The following KANK2 variants were observed in gnomAD, a reference collection of about 807,000 sequenced individuals.
The protein encoded by KANK2 is KN motif and ankyrin repeat domains 2.
KANK2 carries 41 observed loss-of-function variants against 74.6 expected under a neutral mutation model. The ratio of observed to expected loss-of-function variants is 0.55; its 90% CI spans 0.43 to 0.71. The LOEUF (loss-of-function observed/expected upper bound fraction) is 0.71, where lower values mean the gene tolerates loss of function less well. Among genes scored for constraint, KANK2 ranks in the 30% least tolerant of loss-of-function variants. The pLI is 0.00. For synonymous variants in KANK2, 537 were observed against 519.0 expected (o/e 1.03, Z -0.47); for missense variants, 1,148 against 1,196.4 (o/e 0.96, Z 0.60).
chr19:11,192,596 T>G (rs1206951490), intron 4 of KANK2: 2 of 473,578 alleles, frequency 4.2e-6, no homozygotes, highest in East Asian at 9.2e-5. Flanking sequence ...CCACCACACC[T>G]GGCTAATTTT....
chr19:11,192,062 A>G (rs769706947), intron 4 of KANK2, among the ~76,000 whole-genome samples: 3 of 152,204 alleles, frequency 2.0e-5, no homozygotes, highest in Admixed American at 6.5e-5. Flanking sequence ...TCTATCTCTT[A>G]ATAACGACAA....
chr19:11,179,260 G>T (rs567511475), intron 4 of KANK2, among the ~76,000 whole-genome samples: 1 of 150,450 alleles, frequency 6.6e-6, no homozygotes, highest in African/African-American at 2.5e-5. Context: ...AGGTTGCAGT[G>T]AGCAGAGATC....
rs548587575 is a variant in KANK2, at chr19:11,182,207, C to T, written c.1250-3487G>A. On this transcript the variant is annotated intron_variant, in intron 4 of 12. Coordinates refer to ENST00000586659, the MANE Select transcript of KANK2 (RefSeq NM_001136191.3). ...CTGGGATTACAGGCTTAAGCCAACA[C>T]GCCCGGCCAGATGCCAAATTTTATG... 5.9e-5 allele frequency among the ~76,000 whole-genome samples: 9 copies of T among 152,156 alleles called. No individual in the cohort carries two copies. In the South Asian group the frequency reaches 8.3e-4, roughly 14 times the overall value.
rs764052605 is a variant in KANK2, at chr19:11,174,542, C to T, written c.1999G>A (p.Gly667Ser). ...DYVVNIADSN[G>S]NTALHYSVSH... The stretch of plus-strand genomic sequence containing the variant: ...ACGGAGTAGTGCAGGGCTGTGTTGC[C>T]GTTGCTGTCGGCGATGTTGACCACG... The change falls in exon 9 of 13, where the codon GGC (glycine) becomes AGC (serine). Residue 667 changes from glycine to serine, a missense_variant. Coordinates refer to ENST00000586659, the MANE Select transcript of KANK2 (RefSeq NM_001136191.3). 3.3e-5 allele frequency: 53 copies of T among 1,613,548 alleles called. No individual in the cohort carries two copies. Among genetic ancestry groups the T allele is most frequent in the Non-Finnish European group, 4.2e-5 (49 of 1,179,872 alleles).
rs554872150 is a variant in KANK2 at position 11,165,055 on chromosome 19, C to T, written c.*1503G>A. 2.6e-5 allele frequency: 4 copies of T among 152,296 alleles called. No homozygotes were observed. In the South Asian group the frequency reaches 8.3e-4, roughly 32 times the overall value. 9.4% of individuals were successfully genotyped at this position (152,296 alleles called of 1,614,324 possible). A position where few individuals can be genotyped will look rare whatever the true frequency, so the allele number is the denominator to read the frequency against. Reference sequence around the variant, plus strand: ...TTAGAGGCTTGGAACCCTTCCCTTTCTGTTGCTCACCAAGGAAAAGGCACA... The same window carrying T: ...TTAGAGGCTTGGAACCCTTCCCTTTTTGTTGCTCACCAAGGAAAAGGCACA... On this transcript the variant is annotated 3_prime_UTR_variant, in exon 13 of 13. Coordinates refer to ENST00000586659, the MANE Select transcript of KANK2 (RefSeq NM_001136191.3).
Position 11,166,321 on chromosome 19 carries a change from T to C in KANK2, c.*237A>G, listed in dbSNP as rs956248288. The C allele has an allele frequency of 1.1e-5, 5 of 462,426 alleles. No individual in the cohort carries two copies. Among genetic ancestry groups the C allele is most frequent in the African/African-American group, 1.0e-4 (5 of 49,996 alleles). 28.6% of individuals were successfully genotyped at this position (462,426 alleles called of 1,614,324 possible). On this transcript the variant is annotated 3_prime_UTR_variant, in exon 13 of 13. Coordinates refer to ENST00000586659, the MANE Select transcript of KANK2 (RefSeq NM_001136191.3). Reference sequence around the variant, plus strand: ...CCTGGCGCCAATGTATACAAGAATTTTGCTTCGGTCTGCGCTGTGGCCACT... The same window carrying C: ...CCTGGCGCCAATGTATACAAGAATTCTGCTTCGGTCTGCGCTGTGGCCACT...
intron 6 of KANK2, among the ~76,000 whole-genome samples, chr19:11,177,086 C>T (rs1009894347): frequency 6.8e-6 from 1 of 146,564 alleles, no homozygotes; most frequent in Non-Finnish European, 1.5e-5. Context: ...CTAGCATACT[C>T]ACCCTCCTTT....
chr19:11,166,483 G>T lies in KANK2; in HGVS notation c.*75C>A. 1 of 1,390,816 alleles carries T rather than the reference G, an allele frequency of 7.2e-7. No individual in the cohort carries two copies. The allele number at this position is 1,390,816 out of a possible 1,614,324, so 86.2% of individuals were successfully genotyped here. ...GAGTGTGAGTGGGGTGGGCCAGGGA[G>T]GAACGGGAACAGGGAGGAGACGGGG... is the stretch of plus-strand genomic sequence containing the variant. On this transcript the variant is annotated 3_prime_UTR_variant, in exon 13 of 13. Transcript: ENST00000586659.
Position 11,193,989 on chromosome 19 carries a change from G to T in KANK2, c.91C>A (p.Pro31Thr). 1.2e-6 allele frequency: 2 copies of T among 1,613,616 alleles called. No individual in the cohort carries two copies. The highest frequency in any genetic ancestry group is 1.7e-6 in the Non-Finnish European group (2 of 1,179,714). Residue 31 changes from proline (P) to threonine (T), a missense_variant, in exon 4 of 13, where the codon CCC (proline) becomes ACC (threonine). Physicochemically the swap from Pro to Thr is conservative, Grantham distance 38. Transcript: ENST00000586659. This position sits in a 1 kb window ranked among gnomAD's most constrained non-coding sequence, Gnocchi z 9.6. ...PAFPAKDPDP[P>T]YSVETPYGYR... ...CCATAGGGGGTCTCCACGGAGTAGGGTGGATCGGGGTCCTTGGCAGGGAAG... is the reference window on the plus strand; with the variant it reads ...CCATAGGGGGTCTCCACGGAGTAGGTTGGATCGGGGTCCTTGGCAGGGAAG...
chr19:11,172,669 C>T (rs541027370), intron 10 of KANK2, among the ~76,000 whole-genome samples: 14 of 152,284 alleles, frequency 9.2e-5, no homozygotes, highest in South Asian at 2.1e-4. Flanking sequence ...GCTTGAAGAA[C>T]GGGCTAGTGA....
rs750224136 is a variant in KANK2, at chr19:11,193,884, G to A, written c.196C>T (p.Arg66Cys). ...GHTLRRVAVQ[R>C]RPRLSSLPRG... ...GGCAGCGAGCTCAGGCGGGGGCGGC[G>A]CTGCACTGCCACGCGTCGCAGCGTG... The change falls in exon 4 of 13, where the codon CGC (arginine) becomes TGC (cysteine). Residue 66 changes from arginine (R) to cysteine (C), a missense_variant. Physicochemically the swap from Arg to Cys is radical, Grantham distance 180. Coordinates refer to ENST00000586659, the MANE Select transcript of KANK2 (RefSeq NM_001136191.3). The surrounding 1 kb of genome is among the most constrained non-coding windows in gnomAD (Gnocchi z 9.6). The A allele has an allele frequency of 2.5e-6, 4 of 1,613,562 alleles. No individual in the cohort carries two copies. The highest frequency in any genetic ancestry group is 1.1e-5 in the South Asian group (1 of 91,068).
At chr19:11,190,239 A>C (rs1252522555) in intron 4 of KANK2, among the ~76,000 whole-genome samples, 1 of 151,876 alleles carries the variant, frequency 6.6e-6, no homozygotes, top group Non-Finnish European at 1.5e-5. Flanking sequence ...GGTTCAAGCA[A>C]TTCTCCTCCC....
chr19:11,176,502 C>T, intron 7 of KANK2, 76 bp downstream of exon 7: 2 of 1,487,580 alleles, frequency 1.3e-6, no homozygotes, highest in South Asian at 2.7e-5. Context: ...CTTCAAAGGG[C>T]TTGAACGGTG....
At position 11,193,896 on chromosome 19, in the gene KANK2, C is replaced by T. The variant is rs746560038; in HGVS notation, c.184G>A (p.Val62Met). The part of the protein sequence containing the change: ...DIEKGHTLRR[V>M]AVQRRPRLSS... ...AGGCGGGGGCGGCGCTGCACTGCCA[C>T]GCGTCGCAGCGTGTGGCCCTTCTCG... The change falls in exon 4 of 13, where the codon GTG becomes ATG. Residue 62 changes from valine to methionine, a missense_variant. Transcript: ENST00000586659. This position sits in a 1 kb window ranked among gnomAD's most constrained non-coding sequence, Gnocchi z 9.6. 9.3e-6 allele frequency: 15 copies of T among 1,613,604 alleles called. 1 individual carries two copies. The Middle Eastern group carries it at 8.2e-4, about 88-fold the overall frequency.
In KANK2 at chr19:11,166,530, G is replaced by A; in HGVS notation, c.*28C>T. On this transcript the variant is annotated 3_prime_UTR_variant, in exon 13 of 13. Coordinates refer to ENST00000586659, the MANE Select transcript of KANK2 (RefSeq NM_001136191.3). ...GGGGACAAGGGACGGTTTGCTCCCG[G>A]TCTGGCTGGTCCCCGCCTCCCTCAC... 2 of 1,608,722 alleles carry A rather than the reference G, an allele frequency of 1.2e-6. No homozygotes were observed.
intron 4 of KANK2, among the ~76,000 whole-genome samples, chr19:11,180,159 G>A (rs1432645897): frequency 6.6e-6 from 1 of 152,200 alleles, no homozygotes; most frequent in African/African-American, 2.4e-5. Context: ...CCCATGCATG[G>A]TTTCTGTGTC....
In KANK2 at chr19:11,174,457, T is replaced by G. The variant is rs768356520; in HGVS notation, c.2068+16A>C. 1 of 1,589,330 alleles carries G rather than the reference T, an allele frequency of 6.3e-7. No individual in the cohort carries two copies. The highest frequency in any genetic ancestry group is 1.1e-5 in the South Asian group (1 of 87,684). On this transcript the variant is annotated intron_variant, in intron 9 of 12. Transcript: ENST00000586659. The stretch of plus-strand genomic sequence containing the variant: ...TGGCTGGTTTAGAGCCGCCTCGTCC[T>G]CCCCGCTGGGCTCACCGCTGTCGAG...
In KANK2 at chr19:11,174,567, G is replaced by A. The variant is rs780880075; in HGVS notation, c.1974C>T (p.Tyr658=). Reference sequence around the variant, plus strand: ...CGTTGCTGTCGGCGATGTTGACCACGTAGTCCAGCAGCCGCGCAGACATGG... The same window carrying A: ...CGTTGCTGTCGGCGATGTTGACCACATAGTCCAGCAGCCGCGCAGACATGG... ...FRAMSARLLD[Y]VVNIADSNGN... Residue 658 remains tyrosine, a synonymous_variant, in exon 9 of 13, where the codon TAC becomes TAT. Coordinates refer to ENST00000586659, the MANE Select transcript of KANK2 (RefSeq NM_001136191.3). The A allele has an allele frequency of 3.2e-5, 51 of 1,613,440 alleles. No homozygotes were observed. Among genetic ancestry groups the A allele is most frequent in the East Asian group, 8.9e-5 (4 of 44,882 alleles).
chr19:11,182,161 C>G (rs922188941), intron 4 of KANK2, among the ~76,000 whole-genome samples: 4 of 151,978 alleles, frequency 2.6e-5, no homozygotes, highest in African/African-American at 7.2e-5. Flanking sequence ...AGTGATCCAC[C>G]CGCCTCAGCC....
Sources: gnomAD v4.1 joint callset for allele counts (sites outside exome capture counted in the v4.1 genomes callset) on GRCh38, gnomAD v4.1.1 for gene constraint, Gnocchi (gnomAD v3.1) non-coding constraint, MANE v1.5 for transcripts, NCBI Gene and HGNC (gene_info 2026-07-23, HGNC 2026-07-21) for gene names.